The following RARB variants were observed in gnomAD, a reference collection of about 807,000 sequenced individuals.
RARB encodes HBV-activated protein.
A neutral mutation model predicts 51.9 loss-of-function variants in RARB; 17 were observed. The ratio of observed to expected loss-of-function variants is 0.33; its 90% CI spans 0.22 to 0.49. The LOEUF is 0.49. Ranked by LOEUF, RARB falls within the 20% of genes least tolerant of loss-of-function variation. The pLI is 0.99. For missense variants in RARB, 369 were observed against 550.8 expected (o/e 0.67, Z 3.30); for synonymous variants, 215 against 195.4 (o/e 1.10, Z -0.84).
At chr3:25,076,143 T>G (rs905449978) in intron 3 of RARB, among the ~76,000 whole-genome samples, 1 of 73,842 alleles carries the variant, frequency 1.4e-5, no homozygotes, top group Non-Finnish European at 3.4e-5. Flanking sequence ...GAAGCAGTTA[T>G]TTATTTTTTT....
At chr3:25,034,858 T>C (rs918076616) in intron 2 of RARB, among the ~76,000 whole-genome samples, 17 of 152,166 alleles carry the variant, frequency 1.1e-4, no homozygotes, top group African/African-American at 3.9e-4. Flanking sequence ...CCTGGAAACA[T>C]TGGAGTGCCA....
intron 1 of RARB, among the ~76,000 whole-genome samples, chr3:24,847,094 A>G (rs983818023): frequency 1.3e-5 from 2 of 152,142 alleles, no homozygotes; most frequent in Non-Finnish European, 2.9e-5. Flanking sequence ...TTCTGCTTCT[A>G]CACTCACTTC....
intron 2 of RARB, among the ~76,000 whole-genome samples, chr3:24,874,678 T>C (rs923052048): frequency 6.6e-6 from 1 of 152,054 alleles, no homozygotes; most frequent in African/African-American, 2.4e-5. Context: ...TTTGCCTCTT[T>C]ACATAGCTTT....
chr3:25,433,099 G>C lies in RARB; in HGVS notation c.157+4211G>C, dbSNP rs553582774. Among the ~76,000 whole-genome samples the C allele has an allele frequency of 6.6e-5, 10 of 152,218 alleles. No individual in the cohort carries two copies. The South Asian group carries it at 1.9e-3, about 29-fold the overall frequency. On this transcript the variant is annotated intron_variant, in intron 1 of 7. Coordinates refer to ENST00000330688, the MANE Select transcript of RARB (RefSeq NM_000965.5). ...TCAGAAATGGGAGTTTTTGATGAAG[G>C]TTAATCAGAAAAATCTTGGCTGAAA...
At chr3:25,241,129 T>C (rs1170143339) in intron 5 of RARB, among the ~76,000 whole-genome samples, 1 of 152,190 alleles carries the variant, frequency 6.6e-6, no homozygotes, top group African/African-American at 2.4e-5. Context: ...TTGTTCATAA[T>C]AGTCTCTGAT....
intron 3 of RARB, among the ~76,000 whole-genome samples, chr3:25,064,411 T>G (rs1698616024): frequency 1.3e-5 from 2 of 152,154 alleles, no homozygotes; most frequent in African/African-American, 4.8e-5. Flanking sequence ...GTCCATGACA[T>G]CAGCAATCAA....
intron 5 of RARB, among the ~76,000 whole-genome samples, chr3:25,226,544 C>T (rs974749106): frequency 2.6e-5 from 4 of 152,088 alleles, no homozygotes. Context: ...ACCTGCCAAT[C>T]CTAATGTCTT....
At chr3:25,398,768 T>C (rs74468972) in intron 5 of RARB, among the ~76,000 whole-genome samples, 16 of 152,336 alleles carry the variant, frequency 1.1e-4, no homozygotes, top group Admixed American at 4.6e-4. Flanking sequence ...TATTATAAAA[T>C]TGTATTAAAC....
intron 5 of RARB, among the ~76,000 whole-genome samples, chr3:25,229,868 G>A (rs1702137039): frequency 6.6e-6 from 1 of 152,074 alleles, no homozygotes; most frequent in Non-Finnish European, 1.5e-5. Context: ...TGGATGAGCT[G>A]GGTGTGACAG....
intron 5 of RARB, among the ~76,000 whole-genome samples, chr3:25,248,850 T>G (rs1421680145): frequency 6.6e-6 from 1 of 152,192 alleles, no homozygotes. Context: ...ATTCTTTATC[T>G]TGCTGTTGTT....
In RARB at chr3:25,066,276, A is replaced by T. The variant is rs139658084; in HGVS notation, c.-328+6100A>T. Reference sequence around the variant, plus strand: ...GAGGTTGTTTATTTTGATGACTTGAATTGGTTGACTAGGATGTCAATGTCT... The same window carrying T: ...GAGGTTGTTTATTTTGATGACTTGATTTGGTTGACTAGGATGTCAATGTCT... On this transcript the variant is annotated intron_variant, in intron 3 of 11. Transcript: ENST00000383772. Among the ~76,000 whole-genome samples, 30 of 152,298 alleles carry T rather than the reference A, an allele frequency of 2.0e-4. No individual in the cohort carries two copies. In the East Asian group the frequency reaches 5.8e-3, roughly 29 times the overall value.
chr3:25,234,417 T>C (rs1273561824), intron 5 of RARB, among the ~76,000 whole-genome samples: 1 of 152,182 alleles, frequency 6.6e-6, no homozygotes, highest in Non-Finnish European at 1.5e-5. Flanking sequence ...TGTTTGTCAG[T>C]CTGGCTAGAT....
At chr3:25,039,257 G>A (rs1257722535) in intron 2 of RARB, among the ~76,000 whole-genome samples, 2 of 152,200 alleles carry the variant, frequency 1.3e-5, no homozygotes, top group African/African-American at 4.8e-5. Flanking sequence ...AGAATGTTGA[G>A]TCCTGCTGTA....
intron 1 of RARB, among the ~76,000 whole-genome samples, chr3:25,436,709 C>A (rs968378510): frequency 6.6e-6 from 1 of 152,174 alleles, no homozygotes; most frequent in African/African-American, 2.4e-5. Flanking sequence ...AATACTCTTC[C>A]AGAGCTTATC....
intron 5 of RARB, among the ~76,000 whole-genome samples, chr3:25,289,454 C>A (rs191027645): frequency 2.0e-5 from 3 of 152,154 alleles, no homozygotes; most frequent in African/African-American, 7.2e-5. Context: ...CCACAGATGT[C>A]TTTATTGTGT....
intron 2 of RARB, among the ~76,000 whole-genome samples, chr3:24,886,291 T>A (rs150425741): frequency 9.0e-4 from 137 of 152,286 alleles, no homozygotes; most frequent in African/African-American, 2.7e-3. Context: ...AGGGGCTGAT[T>A]CACTCATTTC....
intron 2 of RARB, among the ~76,000 whole-genome samples, chr3:25,471,830 AAAGTT>A (rs1467249006): frequency 6.6e-6 from 1 of 152,192 alleles, no homozygotes; most frequent in African/African-American, 2.4e-5. Context: ...TTTTACTAGA[AAAGTT>A]AAGAGAGCTT....
At chr3:25,058,424 C>T (rs1264392494) in intron 2 of RARB, among the ~76,000 whole-genome samples, 3 of 151,744 alleles carry the variant, frequency 2.0e-5, no homozygotes, top group Non-Finnish European at 2.9e-5. Flanking sequence ...TTGTATAAAA[C>T]TTACACAGTT....
At chr3:25,391,067 T>C (rs1198200735) in intron 5 of RARB, among the ~76,000 whole-genome samples, 1 of 152,100 alleles carries the variant, frequency 6.6e-6, no homozygotes. Flanking sequence ...TTCCCCCAGG[T>C]CCCCAAAGTT....
Sources: gnomAD v4.1 joint callset for allele counts (sites outside exome capture counted in the v4.1 genomes callset) on GRCh38, gnomAD v4.1.1 for gene constraint, MANE v1.5 for transcripts, NCBI Gene and HGNC (gene_info 2026-07-23, HGNC 2026-07-21) for gene names.